Variants in DNM3 observed in about 807,000 individuals in gnomAD.
DNM3 encodes the protein dynamin 3, also known as dynamin-3.
DNM3 carries 47 observed loss-of-function variants against 101.6 expected under a neutral mutation model. The observed-to-expected ratio is 0.46, with a 90% CI of 0.37 to 0.59. DNM3 has a LOEUF of 0.59. Among genes scored for constraint, DNM3 ranks in the 20% least tolerant of loss-of-function variants. The pLI is 0.00. For missense variants in DNM3, 849 were observed against 1,085.7 expected, an observed-to-expected ratio of 0.78 and a Z score of 3.06; for synonymous variants, 385 against 387.9, an observed-to-expected ratio of 0.99 and a Z score of 0.09.
At chr1:172,058,528 A>C (rs2050848521) in intron 10 of DNM3, among the ~76,000 whole-genome samples, 1 of 152,150 alleles carries the variant, frequency 6.6e-6, no homozygotes, top group Non-Finnish European at 1.5e-5. Context: ...ATTAGAACTC[A>C]GGATTAAGAA....
At chr1:172,071,667 A>G (rs2052207574) in intron 11 of DNM3, among the ~76,000 whole-genome samples, 1 of 152,198 alleles carries the variant, frequency 6.6e-6, no homozygotes, top group Non-Finnish European at 1.5e-5. Flanking sequence ...ATGGAAAGCC[A>G]TAAATCTGTC....
At chr1:172,156,192 A>G (rs935856842) in intron 14 of DNM3, among the ~76,000 whole-genome samples, 7 of 152,270 alleles carry the variant, frequency 4.6e-5, no homozygotes, top group African/African-American at 1.7e-4. Context: ...TTAGCAACCC[A>G]GACAGTAGGG....
intron 17 of DNM3, among the ~76,000 whole-genome samples, chr1:172,342,346 T>C (rs2066727146): frequency 6.6e-6 from 1 of 152,120 alleles, no homozygotes; most frequent in Non-Finnish European, 1.5e-5. Flanking sequence ...AGCAAAGATA[T>C]GGAATTAACC....
chr1:171,992,157 T>A (rs12078748), intron 4 of DNM3, among the ~76,000 whole-genome samples: 1 of 152,280 alleles, frequency 6.6e-6, no homozygotes, highest in South Asian at 2.1e-4. Context: ...TGTAAAGTGA[T>A]TTCTTAAAAT....
intron 14 of DNM3, among the ~76,000 whole-genome samples, chr1:172,236,670 G>T (rs1274119057): frequency 6.6e-6 from 1 of 151,912 alleles, no homozygotes; most frequent in Admixed American, 6.6e-5. Context: ...AGGAAGAGGA[G>T]AATACATACT....
intron 14 of DNM3, among the ~76,000 whole-genome samples, chr1:172,235,902 G>A (rs1220288684): frequency 4.6e-5 from 7 of 152,046 alleles, no homozygotes; most frequent in Non-Finnish European, 7.4e-5. Flanking sequence ...GCTACATGAC[G>A]AGTTAATGGG....
chr1:172,112,097 T>C (rs1184940689), intron 13 of DNM3, among the ~76,000 whole-genome samples: 1 of 152,244 alleles, frequency 6.6e-6, no homozygotes, highest in African/African-American at 2.4e-5. Flanking sequence ...AGGTGCTTTG[T>C]TCTTCAAAAT....
chr1:172,072,085 T>A (rs2052243218), intron 11 of DNM3, among the ~76,000 whole-genome samples: 1 of 152,200 alleles, frequency 6.6e-6, no homozygotes, highest in Non-Finnish European at 1.5e-5. Flanking sequence ...TTTGGCAATG[T>A]TGAGAATTAT....
chr1:172,408,676 G>A lies in DNM3; in HGVS notation c.*835G>A. 1.0e-6 allele frequency: 1 copy of A among 984,886 alleles called. No individual in the cohort carries two copies. Among genetic ancestry groups the A allele is most frequent in the Non-Finnish European group, 1.2e-6 (1 of 829,528 alleles). The allele number at this position is 984,886 out of a possible 1,614,324, so 61.0% of individuals were successfully genotyped here. On this transcript the variant is annotated 3_prime_UTR_variant, in exon 21 of 21. Transcript: ENST00000627582. ...TATATTGAAGGCTGACATGGAGAAT[G>A]TTTACTTTTCTATTTGGCATAGCTA...
At chr1:172,175,438 T>C (rs1201425121) in intron 14 of DNM3, among the ~76,000 whole-genome samples, 1 of 151,772 alleles carries the variant, frequency 6.6e-6, no homozygotes. Context: ...TAGTTGTAGA[T>C]TGTGCCATGG....
chr1:171,863,186 T>C lies in DNM3; in HGVS notation c.161+21369T>C, dbSNP rs1254484885. On this transcript the variant is annotated intron_variant, in intron 1 of 20. Transcript: ENST00000627582. The stretch of plus-strand genomic sequence containing the variant: ...GTAAGGTAAGACCCAGAAGAAGATA[T>C]AGATGACAAAGTACAGAAAAGCAGA... Among the ~76,000 whole-genome samples, 4 of 151,902 alleles carry C rather than the reference T, an allele frequency of 2.6e-5. No homozygotes were observed. The South Asian group carries it at 8.3e-4, about 32-fold the overall frequency.
intron 12 of DNM3, among the ~76,000 whole-genome samples, chr1:172,088,459 A>G (rs778806633): frequency 3.9e-5 from 6 of 152,120 alleles, no homozygotes; most frequent in Non-Finnish European, 8.8e-5. Context: ...ACTTGCTGGC[A>G]CAGAAACATG....
intron 14 of DNM3, among the ~76,000 whole-genome samples, chr1:172,194,709 G>A (rs780691718): frequency 3.3e-5 from 5 of 151,522 alleles, no homozygotes; most frequent in Non-Finnish European, 7.4e-5. Flanking sequence ...TTTTCCATTT[G>A]CTTGGTAGAT....
At chr1:172,233,033 A>G (rs1161817792) in intron 14 of DNM3, among the ~76,000 whole-genome samples, 1 of 152,218 alleles carries the variant, frequency 6.6e-6, no homozygotes, top group Non-Finnish European at 1.5e-5. Context: ...AGAAATAACT[A>G]AGATCAGAGC....
intron 4 of DNM3, among the ~76,000 whole-genome samples, chr1:172,012,510 T>C (rs1366876006): frequency 3.9e-5 from 6 of 152,070 alleles, no homozygotes. Context: ...TAAGTGTATG[T>C]GGATTCTTTT....
intron 14 of DNM3, among the ~76,000 whole-genome samples, chr1:172,174,146 A>C (rs1052299626): frequency 2.0e-5 from 3 of 151,706 alleles, no homozygotes; most frequent in African/African-American, 7.3e-5. Context: ...TTTATAAAAT[A>C]TACACTCTGC....
At chr1:172,209,247 G>C (rs549925253) in intron 14 of DNM3, among the ~76,000 whole-genome samples, 1 of 151,982 alleles carries the variant, frequency 6.6e-6, no homozygotes, top group African/African-American at 2.4e-5. Flanking sequence ...CAAGAAGGTA[G>C]TTATCTGCAA....
intron 4 of DNM3, among the ~76,000 whole-genome samples, chr1:172,023,201 G>T (rs1344523103): frequency 6.6e-6 from 1 of 152,008 alleles, no homozygotes; most frequent in African/African-American, 2.4e-5. Context: ...GATATCAATT[G>T]CTCTCTTGGT....
chr1:172,400,958 T>G (rs530012539), intron 20 of DNM3, among the ~76,000 whole-genome samples: 1 of 152,324 alleles, frequency 6.6e-6, no homozygotes, highest in African/African-American at 2.4e-5. Flanking sequence ...CAGATGTTTC[T>G]GAAACTCCTG....
Sources: allele counts gnomAD v4.1 joint callset (sites outside exome capture counted in the v4.1 genomes callset), GRCh38; gene constraint gnomAD v4.1.1; transcripts MANE v1.5; gene names NCBI Gene and HGNC (gene_info 2026-07-23, HGNC 2026-07-21).